Variants in INCENP observed in about 807,000 individuals in gnomAD.
The protein encoded by INCENP is inner centromere protein.
A neutral mutation model predicts 107.3 loss-of-function variants in INCENP; 43 were observed. That is an observed-to-expected ratio of 0.40 (90% confidence interval 0.31 to 0.52). INCENP has a LOEUF of 0.52. INCENP is among the 20% of genes least tolerant of loss of function. The pLI, the probability that INCENP is intolerant of heterozygous loss-of-function variation, is 0.53. For synonymous variants in INCENP, 488 were observed against 494.4 expected (o/e 0.99, Z 0.17); for missense variants, 1,089 against 1,250.9 (o/e 0.87, Z 1.95).
At chr11:62,151,402 C>A (rs79582463) in intron 18 of INCENP, among the ~76,000 whole-genome samples, 3,321 of 152,332 alleles carry the variant, frequency 0.022, 126 homozygotes, top group African/African-American at 0.076. Context: ...AGCTCTGGAA[C>A]TGGGCTTGTC....
Position 62,151,748 on chromosome 11 carries a change from G to A in INCENP, c.2543-14G>A, listed in dbSNP as rs1179543690. The A allele has an allele frequency of 7.4e-6, 12 of 1,611,608 alleles. No homozygotes were observed. The highest frequency in any genetic ancestry group is 3.3e-5 in the Admixed American group (2 of 60,004). On this transcript the variant is annotated splice_polypyrimidine_tract_variant and intron_variant, in intron 18 of 18. Transcript: ENST00000394818. ...AGAGCCCCAAGGCAGTGTCTGGTCT[G>A]TGGTCTCCTGCAGGCACCCCGCTCA...
chr11:62,143,873 A>G (rs1590623514), intron 11 of INCENP, among the ~76,000 whole-genome samples: 1 of 152,190 alleles, frequency 6.6e-6, no homozygotes, highest in Admixed American at 6.5e-5. Context: ...AGGGGAAAGC[A>G]CTAGCCTTGT....
At chr11:62,148,679 G>T (rs1944309150) in intron 16 of INCENP, 60 bp from the exon 17 acceptor site, 2 of 1,442,478 alleles carry the variant, frequency 1.4e-6, no homozygotes, top group Admixed American at 4.3e-5. Flanking sequence ...GGAGGGAAGG[G>T]GAGGGGAGGG....
intron 7 of INCENP, among the ~76,000 whole-genome samples, chr11:62,139,771 G>A (rs1944072005): frequency 6.6e-6 from 1 of 152,230 alleles, no homozygotes; most frequent in Non-Finnish European, 1.5e-5. Flanking sequence ...CAAGGGGCTT[G>A]GAGCTCCTGC....
At chr11:62,135,911 G>A (rs372872949) in intron 4 of INCENP, among the ~76,000 whole-genome samples, 1 of 151,988 alleles carries the variant, frequency 6.6e-6, no homozygotes, top group Admixed American at 6.6e-5. Context: ...CCGGGTTCAC[G>A]CCATTCTCCT....
chr11:62,125,700 A>G (rs1008441921), intron 1 of INCENP, among the ~76,000 whole-genome samples: 1 of 152,212 alleles, frequency 6.6e-6, no homozygotes, highest in African/African-American at 2.4e-5. Flanking sequence ...ATGAGCACCT[A>G]TAGGATGTTT....
At chr11:62,134,412 A>C (rs988495774) in intron 4 of INCENP, among the ~76,000 whole-genome samples, 1 of 151,814 alleles carries the variant, frequency 6.6e-6, no homozygotes, top group Admixed American at 6.6e-5. Flanking sequence ...TAAAAAAAAA[A>C]AAAAAAAAGC....
chr11:62,128,573 G>A (rs1943808895), intron 2 of INCENP, among the ~76,000 whole-genome samples, 197 bp from the exon 3 acceptor site: 1 of 152,312 alleles, frequency 6.6e-6, no homozygotes, highest in African/African-American at 2.4e-5. Flanking sequence ...CTGGGAGCTT[G>A]CTTCCCTGCC....
At chr11:62,129,555 C>G (rs1274689031) in intron 3 of INCENP, among the ~76,000 whole-genome samples, 1 of 152,196 alleles carries the variant, frequency 6.6e-6, no homozygotes, top group African/African-American at 2.4e-5. Flanking sequence ...CTAGCCAGTT[C>G]TGTGCGGACT....
chr11:62,150,176 T>A lies in INCENP; in HGVS notation c.2511T>A (p.His837Gln). 2 of 1,613,892 alleles carry A rather than the reference T, an allele frequency of 1.2e-6. No individual in the cohort carries two copies. The highest frequency in any genetic ancestry group is 1.7e-6 in the Non-Finnish European group (2 of 1,179,980). ...NSDDSTDDEAHPRKPIPTWAR... is the reference protein window; with the variant it reads ...NSDDSTDDEAQPRKPIPTWAR... Reference sequence around the variant, plus strand: ...ACGACTCCACCGATGATGAGGCCCATCCCCGGAAGCCCATCCCCACCTGGG... The same window carrying A: ...ACGACTCCACCGATGATGAGGCCCAACCCCGGAAGCCCATCCCCACCTGGG... The change falls in exon 18 of 19, where the codon CAT becomes CAA. Residue 837 changes from histidine to glutamine, a missense_variant. Transcript: ENST00000394818.
In INCENP at chr11:62,146,777, G is replaced by T; in HGVS notation, c.2079G>T (p.Arg693=). The part of the protein sequence containing the change: ...RLAEQREQER[R]EQERREQERR... ...CAGAGCAGCGGGAGCAGGAGCGGCG[G>T]GAGCAGGAGCGGCGCGAGCAGGAGC... Residue 693 remains arginine, a synonymous_variant, in exon 15 of 19, where the codon CGG becomes CGT. Transcript: ENST00000394818. 1.3e-6 allele frequency: 2 copies of T among 1,537,640 alleles called. No homozygotes were observed. The highest frequency in any genetic ancestry group is 1.8e-6 in the Non-Finnish European group (2 of 1,139,514).
chr11:62,151,607 G>A (rs1050879425), intron 18 of INCENP, among the ~76,000 whole-genome samples, 155 bp from the exon 19 acceptor site: 3 of 152,220 alleles, frequency 2.0e-5, no homozygotes, highest in Admixed American at 6.5e-5. Flanking sequence ...GGCGTTCTCT[G>A]GGTTTGATGG....
chr11:62,145,515 G>A, intron 13 of INCENP, 114 bp from the exon 14 acceptor site: 2 of 1,396,108 alleles, frequency 1.4e-6, no homozygotes, highest in Non-Finnish European at 1.9e-6. Context: ...CCTGGGTGGT[G>A]GGAACAAGCC....
chr11:62,147,502 G>GT (rs771711475), intron 15 of INCENP, among the ~76,000 whole-genome samples: 57 of 152,146 alleles, frequency 3.7e-4, no homozygotes, highest in Non-Finnish European at 6.0e-4. Context: ...GAGTCGTGGG[G>GT]TTGCCAAGGA....
chr11:62,147,468 C>G (rs1244229716), intron 15 of INCENP, among the ~76,000 whole-genome samples: 1 of 152,172 alleles, frequency 6.6e-6, no homozygotes, highest in Non-Finnish European at 1.5e-5. Flanking sequence ...TGTCCCTGGC[C>G]TACCCTGTGC....
chr11:62,125,361 A>G (rs1943726443), intron 1 of INCENP, among the ~76,000 whole-genome samples: 1 of 152,232 alleles, frequency 6.6e-6, no homozygotes, highest in South Asian at 2.1e-4. Flanking sequence ...ATACTTTTTA[A>G]AAAGTTAGCC....
At chr11:62,127,094 T>C (rs1040099605) in intron 1 of INCENP, among the ~76,000 whole-genome samples, 1 of 150,972 alleles carries the variant, frequency 6.6e-6, no homozygotes, top group Non-Finnish European at 1.5e-5. Context: ...TGGGGTGCAA[T>C]GGTGTGATCT....
intron 3 of INCENP, 117 bp from the exon 4 acceptor site, chr11:62,129,665 G>A: frequency 1.2e-6 from 1 of 837,740 alleles, no homozygotes; most frequent in East Asian, 2.7e-5. Context: ...CTGGAACCCA[G>A]ATCTTTTGCC....
At chr11:62,141,172 G>A in intron 10 of INCENP, 128 bp downstream of exon 10, 1 of 1,317,232 alleles carries the variant, frequency 7.6e-7, no homozygotes, top group South Asian at 1.4e-5. Flanking sequence ...GGCACTGTTA[G>A]GGGCCGGTTG....
Sources: allele counts gnomAD v4.1 joint callset (sites outside exome capture counted in the v4.1 genomes callset), GRCh38; gene constraint gnomAD v4.1.1; transcripts MANE v1.5; gene names NCBI Gene and HGNC (gene_info 2026-07-23, HGNC 2026-07-21).